Variants in GRM6 observed in about 807,000 individuals in gnomAD.
GRM6 encodes the protein glutamate metabotropic receptor 6, also known as metabotropic glutamate receptor 6.
GRM6 carries 73 observed loss-of-function variants against 78.4 expected under a neutral mutation model. The ratio of observed to expected loss-of-function variants is 0.93; its 90% CI spans 0.77 to 1.13. GRM6 has a LOEUF of 1.13. Among genes scored for constraint, GRM6 ranks in the 50% most tolerant of loss-of-function variants. The probability of loss-of-function intolerance (pLI) is 0.00; values close to 1 mark genes in which losing one functional copy is unlikely to be tolerated. For missense variants in GRM6, 1,251 were observed against 1,256.4 expected, an observed-to-expected ratio of 1.00 and a Z score of 0.07; for synonymous variants, 580 against 555.0, an observed-to-expected ratio of 1.05 and a Z score of -0.63.
rs1760397952 is a variant in GRM6 at position 178,981,690 on chromosome 5, T to C, written c.2601A>G (p.Pro867=). Residue 867 remains proline, a synonymous_variant, in exon 11 of 11, where the codon CCA becomes CCG. Coordinates refer to ENST00000517717, the MANE Select transcript of GRM6 (RefSeq NM_000843.4). This position sits in a 1 kb window ranked among gnomAD's most constrained non-coding sequence, Gnocchi z 5.1. ...GGGCCTCTGCATCCTCGCCCTTGGG[T>C]GGGGCTGCCACCGTGGAGGTGGCCT... ...SLKATSTVAA[P]PKGEDAEAHK The C allele has an allele frequency of 6.2e-7, 1 of 1,613,852 alleles. No individual in the cohort carries two copies. The highest frequency in any genetic ancestry group is 8.5e-7 in the Non-Finnish European group (1 of 1,179,902).
rs1402513001 is a variant in GRM6 at position 178,981,993 on chromosome 5, G to C, written c.2437-139C>G. On this transcript the variant is annotated intron_variant, in intron 10 of 10. Coordinates refer to ENST00000517717, the MANE Select transcript of GRM6 (RefSeq NM_000843.4). The surrounding 1 kb of genome is among the most constrained non-coding windows in gnomAD (Gnocchi z 5.1). The stretch of plus-strand genomic sequence containing the variant: ...AATGAGCACTTAGACCAGGACAACA[G>C]TATGAGCAGGGGCCCCGCGCCTGAG... 1.3e-6 allele frequency: 1 copy of C among 759,984 alleles called. No individual in the cohort carries two copies. The highest frequency in any genetic ancestry group is 1.7e-5 in the African/African-American group (1 of 59,100). 47.1% of individuals were successfully genotyped at this position (759,984 alleles called of 1,614,324 possible). A position where few individuals can be genotyped will look rare whatever the true frequency, so the allele number is the denominator to read the frequency against.
Position 178,991,607 on chromosome 5 carries a change from C to T in GRM6, c.722-48G>A, listed in dbSNP as rs41285547. On this transcript the variant is annotated intron_variant, in intron 3 of 10. Transcript: ENST00000517717. This position sits in a 1 kb window ranked among gnomAD's most constrained non-coding sequence, Gnocchi z 5.0. Reference sequence around the variant, plus strand: ...TCAGCTTCCGTCCCACCCACCCACACACCCACCTGGCCACCGCTGCAGAGG... The same window carrying T: ...TCAGCTTCCGTCCCACCCACCCACATACCCACCTGGCCACCGCTGCAGAGG... The T allele has an allele frequency of 6.3e-6, 10 of 1,593,072 alleles. No individual in the cohort carries two copies. In the African/African-American group the frequency reaches 6.7e-5, roughly 11 times the overall value.
intron 6 of GRM6, 47 bp from the exon 7 acceptor site, chr5:178,989,182 G>A (rs757862147): frequency 2.3e-5 from 37 of 1,590,250 alleles, no homozygotes; most frequent in African/African-American, 2.2e-4. Flanking sequence ...CCCATGCACC[G>A]AACCCGGCCT....
rs1760688808 is a variant in GRM6, at chr5:178,992,120, G to C, written c.505-37C>G. 6.8e-7 allele frequency: 1 copy of C among 1,461,042 alleles called. No homozygotes were observed. Among genetic ancestry groups the C allele is most frequent in the East Asian group, 2.3e-5 (1 of 43,878 alleles). 90.5% of individuals were successfully genotyped at this position (1,461,042 alleles called of 1,614,324 possible). Reference sequence around the variant, plus strand: ...GAAGGACAGCTGGGCTGTGGATGGAGGTCAGTAACTCAAGAGAGGGAGGGT... The same window carrying C: ...GAAGGACAGCTGGGCTGTGGATGGACGTCAGTAACTCAAGAGAGGGAGGGT... On this transcript the variant is annotated intron_variant, in intron 2 of 10. Coordinates refer to ENST00000517717, the MANE Select transcript of GRM6 (RefSeq NM_000843.4). This position sits in a 1 kb window ranked among gnomAD's most constrained non-coding sequence, Gnocchi z 4.9.
At chr5:178,987,454 A>G (rs1760590593) in intron 7 of GRM6, 1 of 457,274 alleles carries the variant, frequency 2.2e-6, no homozygotes, top group African/African-American at 2.0e-5. Context: ...GGGGCCATTC[A>G]CACAATGGGA....
Position 178,980,708 on chromosome 5 carries a change from A to C in GRM6, c.*949T>G, listed in dbSNP as rs1760379482. 6.6e-6 allele frequency: 1 copy of C among 152,308 alleles called. No homozygotes were observed. Among genetic ancestry groups the C allele is most frequent in the African/African-American group, 2.4e-5 (1 of 41,384 alleles). The allele number at this position is 152,308 out of a possible 1,614,324, so 9.4% of individuals were successfully genotyped here. ...GAGTACAGTGGCACAATCACAGCTC[A>C]CTGCAACCTCCACCTCCCAGGTTCA... On this transcript the variant is annotated 3_prime_UTR_variant, in exon 11 of 11. Coordinates refer to ENST00000517717, the MANE Select transcript of GRM6 (RefSeq NM_000843.4). This position sits in a 1 kb window ranked among gnomAD's most constrained non-coding sequence, Gnocchi z 4.3.
chr5:178,985,624 A>T lies in GRM6; in HGVS notation c.2124+506T>A, dbSNP rs150382113. The T allele has an allele frequency of 4.1e-5, 15 of 366,772 alleles. No individual in the cohort carries two copies. In the East Asian group the frequency reaches 9.4e-4, roughly 23 times the overall value. The allele number at this position is 366,772 out of a possible 1,614,324, so 22.7% of individuals were successfully genotyped here. On this transcript the variant is annotated intron_variant, in intron 9 of 10. Coordinates refer to ENST00000517717, the MANE Select transcript of GRM6 (RefSeq NM_000843.4). ...AGGCTGAGGCAGGAGAATGGCGTGA[A>T]CCCGGAAGGCAGAGCTTGCAGGGAG...
intron 2 of GRM6, among the ~76,000 whole-genome samples, chr5:178,993,485 G>GA (rs1760717896): frequency 6.6e-6 from 1 of 152,210 alleles, no homozygotes; most frequent in Non-Finnish European, 1.5e-5. Context: ...CATGTGCGCA[G>GA]ACGATAGGGA....
At chr5:178,983,459 G>T in intron 9 of GRM6, 1 of 690,838 alleles carries the variant, frequency 1.4e-6, no homozygotes, top group African/African-American at 1.7e-5. Flanking sequence ...TGCGGAGAAG[G>T]GCTGTGCCGC....
chr5:178,992,023 A>G lies in GRM6; in HGVS notation c.565T>C (p.Phe189Leu), dbSNP rs1203483422. Residue 189 changes from phenylalanine (F) to leucine (L), a missense_variant, in exon 3 of 11, where the codon TTC becomes CTC. By Grantham distance (22) the Phe-to-Leu change is conservative (BLOSUM62 0). Coordinates refer to ENST00000517717, the MANE Select transcript of GRM6 (RefSeq NM_000843.4). This position sits in a 1 kb window ranked among gnomAD's most constrained non-coding sequence, Gnocchi z 4.9. Reference sequence around the variant, plus strand: ...TCGGGTGGCACCACCCGGGAGAAGAAGTCATAGCGTGTGGAGTCGCTGAGC... The same window carrying G: ...TCGGGTGGCACCACCCGGGAGAAGAGGTCATAGCGTGTGGAGTCGCTGAGC... ...PELSDSTRYD[F>L]FSRVVPPDSY... 1 of 1,614,090 alleles carries G rather than the reference A, an allele frequency of 6.2e-7. No homozygotes were observed. Among genetic ancestry groups the G allele is most frequent in the South Asian group, 1.1e-5 (1 of 91,080 alleles).
chr5:178,991,930 C>A lies in GRM6; in HGVS notation c.658G>T (p.Ala220Ser), dbSNP rs1760683603. ...CTTTCGCCATAGTTGCCCTCGGAGG[C>A]CAGCGTGGACACATAGTTCCATCCC... ...ALGWNYVSTL[A>S]SEGNYGESGV... The change falls in exon 3 of 11, where the codon GCC becomes TCC. Residue 220 changes from alanine (A) to serine (S), a missense_variant. Physicochemically the swap from Ala to Ser is moderately conservative, Grantham distance 99. Transcript: ENST00000517717. This position sits in a 1 kb window ranked among gnomAD's most constrained non-coding sequence, Gnocchi z 5.0. The A allele has an allele frequency of 1.2e-6, 2 of 1,614,154 alleles. No individual in the cohort carries two copies. The highest frequency in any genetic ancestry group is 1.7e-6 in the Non-Finnish European group (2 of 1,180,024).
chr5:178,987,126 G>A lies in GRM6; in HGVS notation c.1355-143C>T, dbSNP rs1760583231. 1.1e-5 allele frequency: 9 copies of A among 828,704 alleles called. No homozygotes were observed. The South Asian group carries it at 1.3e-4, about 12-fold the overall frequency. 51.3% of individuals were successfully genotyped at this position (828,704 alleles called of 1,614,324 possible). A position where few individuals can be genotyped will look rare whatever the true frequency, so the allele number is the denominator to read the frequency against. On this transcript the variant is annotated intron_variant, in intron 7 of 10. Transcript: ENST00000517717. ...GGGACGTGCAAATCCAAGCCGCAGG[G>A]AGATCCCCCTTCACCCATTGGGATG...
At chr5:178,994,381 A>AC in intron 2 of GRM6, 60 bp downstream of exon 2, 1 of 1,402,330 alleles carries the variant, frequency 7.1e-7, no homozygotes, top group Non-Finnish European at 9.3e-7. Flanking sequence ...GACTTGGGCC[A>AC]CCCCAGGGCG....
At chr5:178,984,179 G>GA (rs1218573051) in intron 9 of GRM6, among the ~76,000 whole-genome samples, 1,477 of 147,670 alleles carry the variant, frequency 0.01, 23 homozygotes, top group African/African-American at 0.034. Flanking sequence ...GCTCCAGGTG[G>GA]AAAAAAAAAA....
At chr5:178,990,822 T>A in intron 4 of GRM6, 76 bp from the exon 5 acceptor site, 1 of 1,206,602 alleles carries the variant, frequency 8.3e-7, no homozygotes. Flanking sequence ...TCCCACTCTA[T>A]CCATCTCCCC....
chr5:178,989,815 G>A (rs1760640650), intron 5 of GRM6: 11 of 319,772 alleles, frequency 3.4e-5, no homozygotes, highest in South Asian at 3.2e-4. Context: ...CCATAAGCAG[G>A]AAGACCCAAG....
At position 178,983,065 on chromosome 5, in the gene GRM6, G is replaced by A. The variant is rs749470421; in HGVS notation, c.2281C>T (p.Leu761Phe). The A allele has an allele frequency of 1.9e-6, 3 of 1,614,090 alleles. No individual in the cohort carries two copies. Among genetic ancestry groups the A allele is most frequent in the African/African-American group, 2.7e-5 (2 of 74,950 alleles). ...GCGTACACTGTGCACGTGACCATGA[G>A]CAGGAGGCTGTAGCCCAGGCAGCCG... ...LIGCLGYSLL[L>F]MVTCTVYAIK... is the part of the protein sequence containing the mutation. The change falls in exon 10 of 11, where the codon CTC becomes TTC. Residue 761 changes from leucine (L) to phenylalanine (F), a missense_variant. Leu to Phe is a conservative substitution (Grantham distance 22, BLOSUM62 0). Coordinates refer to ENST00000517717, the MANE Select transcript of GRM6 (RefSeq NM_000843.4).
At chr5:178,984,451 G>A (rs1174454563) in intron 9 of GRM6, among the ~76,000 whole-genome samples, 3 of 152,218 alleles carry the variant, frequency 2.0e-5, no homozygotes, top group African/African-American at 4.8e-5. Flanking sequence ...CCGTCATGAC[G>A]TGGTAGTCAT....
chr5:178,989,955 G>C (rs1051115489), intron 5 of GRM6: 1 of 205,506 alleles, frequency 4.9e-6, no homozygotes, highest in Non-Finnish European at 9.9e-6. Context: ...TGCCTTTATC[G>C]CTAAAACTAC....
Sources: allele counts gnomAD v4.1 joint callset (sites outside exome capture counted in the v4.1 genomes callset), GRCh38; gene constraint gnomAD v4.1.1; non-coding constraint Gnocchi (gnomAD v3.1); transcripts MANE v1.5; gene names NCBI Gene and HGNC (gene_info 2026-07-23, HGNC 2026-07-21).